Variants in PLEKHO2 observed in about 807,000 individuals in gnomAD.
The protein encoded by PLEKHO2 is pleckstrin homology domain-containing family O member 2.
PLEKHO2 carries 20 observed loss-of-function variants against 32.7 expected under a neutral mutation model. The ratio of observed to expected loss-of-function variants is 0.61; its 90% confidence interval spans 0.43 to 0.89. PLEKHO2 has a LOEUF of 0.89. Ranked by LOEUF, PLEKHO2 falls within the 40% of genes least tolerant of loss-of-function variation. PLEKHO2 has a pLI of 0.00. For missense variants in PLEKHO2, 568 were observed against 621.2 expected (o/e 0.91, Z 0.91); for synonymous variants, 247 against 246.3 (o/e 1.00, Z -0.03).
intron 1 of PLEKHO2, among the ~76,000 whole-genome samples, chr15:64,846,316 CT>C (rs796551409): frequency 1.0e-3 from 146 of 144,916 alleles, no homozygotes; most frequent in Middle Eastern, 3.6e-3. Context: ...CTGGGAAGAC[CT>C]TTTTTTTTTT....
Position 64,864,851 on chromosome 15 carries a change from A to G in PLEKHO2, c.484-48A>G, listed in dbSNP as rs186067810. The G allele has an allele frequency of 2.8e-3, 4,359 of 1,533,622 alleles. 37 individuals are homozygous for G. Among genetic ancestry groups the G allele is most frequent in the African/African-American group, 0.024 (1,733 of 72,364 alleles). On this transcript the variant is annotated intron_variant, in intron 5 of 5. Coordinates refer to ENST00000323544, the MANE Select transcript of PLEKHO2 (RefSeq NM_025201.5). ...TCGTGTCAGTGGGCACACCTGACCC[A>G]ATGGCTAGTCAGCCAAGATGACACC...
chr15:64,861,106 G>A (rs578013139), intron 4 of PLEKHO2, among the ~76,000 whole-genome samples: 7 of 152,332 alleles, frequency 4.6e-5, no homozygotes, highest in African/African-American at 1.7e-4. Context: ...GGTGGCAGAG[G>A]CCAGGGCAGA....
At chr15:64,846,088 C>G (rs2084519937) in intron 1 of PLEKHO2, among the ~76,000 whole-genome samples, 2 of 152,146 alleles carry the variant, frequency 1.3e-5, no homozygotes, top group South Asian at 4.1e-4. Context: ...TCCCATTTCC[C>G]TGTTCTTCCC....
At chr15:64,864,872 A>G (rs942076470) in intron 5 of PLEKHO2, 27 bp from the exon 6 acceptor site, 4 of 1,536,054 alleles carry the variant, frequency 2.6e-6, no homozygotes, top group Non-Finnish European at 3.5e-6. Context: ...AGCCAAGATG[A>G]CACCCATATA....
chr15:64,863,751 T>TA (rs11449371), intron 5 of PLEKHO2, among the ~76,000 whole-genome samples: 4,079 of 150,866 alleles, frequency 0.027, 87 homozygotes, highest in African/African-American at 0.035. Flanking sequence ...GACCCCCTTT[T>TA]TTTTTTTTTG....
intron 1 of PLEKHO2, among the ~76,000 whole-genome samples, chr15:64,845,214 CTTT>C (rs771584682): frequency 3.3e-5 from 4 of 121,286 alleles, no homozygotes; most frequent in Non-Finnish European, 6.7e-5. Context: ...GACCTGGCTT[CTTT>C]TTTTTTTTTT....
At chr15:64,855,125 T>C in intron 3 of PLEKHO2, 88 bp downstream of exon 3, 2 of 1,038,262 alleles carry the variant, frequency 1.9e-6, no homozygotes, top group Non-Finnish European at 2.9e-6. Flanking sequence ...GCCTGGCCCC[T>C]TGAAAAAGCC....
intron 2 of PLEKHO2, among the ~76,000 whole-genome samples, chr15:64,853,438 G>A (rs567738523): frequency 0.015 from 2,331 of 151,554 alleles, 24 homozygotes; most frequent in Non-Finnish European, 0.025. Flanking sequence ...CACCACGCCC[G>A]GCTAACTGCC....
intron 1 of PLEKHO2, among the ~76,000 whole-genome samples, chr15:64,842,292 C>T (rs1325650829): frequency 3.9e-5 from 6 of 152,162 alleles, no homozygotes; most frequent in African/African-American, 1.4e-4. Context: ...GACCAGGAGA[C>T]TGAGACTCCA....
At chr15:64,844,157 C>T (rs1009579843) in intron 1 of PLEKHO2, among the ~76,000 whole-genome samples, 2 of 152,368 alleles carry the variant, frequency 1.3e-5, no homozygotes, top group Non-Finnish European at 1.5e-5. Context: ...CCATCTTCAT[C>T]ATCTCTTTCA....
intron 1 of PLEKHO2, among the ~76,000 whole-genome samples, chr15:64,846,253 C>T (rs1005984608): frequency 6.6e-6 from 1 of 152,010 alleles, no homozygotes; most frequent in African/African-American, 2.4e-5. Context: ...TCCCTCTTCT[C>T]CTGGACAGGG....
intron 5 of PLEKHO2, among the ~76,000 whole-genome samples, chr15:64,863,503 CTGTGTGTGTGTGTGTTTGTGTG>C (rs1162576996): frequency 7.3e-6 from 1 of 137,038 alleles, no homozygotes; most frequent in Non-Finnish European, 1.6e-5. Context: ...CAGGGAGGCG[CTGTGTGTGTGTGTGTTTGTGTG>C]TGTGTGTGTG....
At chr15:64,849,128 C>T (rs2084546579) in intron 2 of PLEKHO2, among the ~76,000 whole-genome samples, 1 of 151,978 alleles carries the variant, frequency 6.6e-6, no homozygotes, top group South Asian at 2.1e-4. Flanking sequence ...TATAGGCATG[C>T]ATGCCACCAT....
chr15:64,859,731 C>CT (rs2084629851), intron 3 of PLEKHO2, among the ~76,000 whole-genome samples, 163 bp from the exon 4 acceptor site: 1 of 152,230 alleles, frequency 6.6e-6, no homozygotes, highest in African/African-American at 2.4e-5. Context: ...GGGAGGGCTT[C>CT]TCTGTGAGAT....
chr15:64,852,768 A>T (rs2140340887), intron 2 of PLEKHO2, among the ~76,000 whole-genome samples: 1 of 151,994 alleles, frequency 6.6e-6, no homozygotes, highest in Middle Eastern at 3.4e-3. Flanking sequence ...CCACAGGCTC[A>T]TGCCACCATG....
intron 2 of PLEKHO2, among the ~76,000 whole-genome samples, chr15:64,852,074 T>C (rs922969379): frequency 9.2e-5 from 14 of 151,970 alleles, no homozygotes; most frequent in Non-Finnish European, 1.5e-5. Context: ...GAGAATGGGG[T>C]AGAGAAAGAT....
At chr15:64,854,863 G>A in intron 2 of PLEKHO2, 58 bp from the exon 3 acceptor site, 1 of 1,339,794 alleles carries the variant, frequency 7.5e-7, no homozygotes, top group South Asian at 1.2e-5. Flanking sequence ...ATGAGTAGTT[G>A]AGGGTGGTGG....
rs1037360612 is a variant in PLEKHO2, at chr15:64,866,450, A to C, written c.*562A>C. The C allele has an allele frequency of 4.2e-5, 19 of 455,142 alleles. No individual in the cohort carries two copies. The highest frequency in any genetic ancestry group is 3.6e-4 in the African/African-American group (18 of 50,064). The allele number at this position is 455,142 out of a possible 1,614,324, so 28.2% of individuals were successfully genotyped here. A position where few individuals can be genotyped will look rare whatever the true frequency, so the allele number is the denominator to read the frequency against. On this transcript the variant is annotated 3_prime_UTR_variant, in exon 6 of 6. Transcript: ENST00000323544. The stretch of plus-strand genomic sequence containing the variant: ...CTCAGTTGGGGGGAACGTAGGACCC[A>C]GCTGGAGCCTCTTGAGGGAGATGAG...
intron 2 of PLEKHO2, among the ~76,000 whole-genome samples, chr15:64,850,263 A>G (rs2084557314): frequency 6.6e-6 from 1 of 152,148 alleles, no homozygotes; most frequent in African/African-American, 2.4e-5. Flanking sequence ...AGTGGTCTTC[A>G]TGTTAGATTT....
Sources: gnomAD v4.1 joint callset for allele counts (sites outside exome capture counted in the v4.1 genomes callset) on GRCh38, gnomAD v4.1.1 for gene constraint, MANE v1.5 for transcripts, NCBI Gene and HGNC (gene_info 2026-07-23, HGNC 2026-07-21) for gene names.